The following TMEM132C variants were observed in gnomAD, a reference collection of about 807,000 sequenced individuals.
TMEM132C encodes transmembrane protein 132C, also known as protein phosphatase 1, regulatory subunit 152.
A neutral mutation model predicts 61.4 loss-of-function variants in TMEM132C; 29 were observed. That is an observed-to-expected ratio of 0.47 (90% CI 0.35 to 0.64). TMEM132C has a LOEUF of 0.64. Ranked by LOEUF, TMEM132C falls within the 30% of genes least tolerant of loss-of-function variation. The pLI is 0.00. For synonymous variants in TMEM132C, 656 were observed against 633.1 expected, an observed-to-expected ratio of 1.04 and a Z score of -0.54; for missense variants, 1,408 against 1,476.9, an observed-to-expected ratio of 0.95 and a Z score of 0.76.
rs1051196109 is a variant in TMEM132C at position 128,580,253 on chromosome 12, A to G, written c.1122-35899A>G. Among the ~76,000 whole-genome samples, 11 of 148,572 alleles carry G rather than the reference A, an allele frequency of 7.4e-5. No homozygotes were observed. In the East Asian group the frequency reaches 2.2e-3, roughly 29 times the overall value. ...AACACGGTGAAACCCCATCTCTACT[A>G]AAAAAAAAATACAAAAAATTAGCCG... On this transcript the variant is annotated intron_variant, in intron 3 of 8. Transcript: ENST00000435159.
intron 2 of TMEM132C, among the ~76,000 whole-genome samples, chr12:128,484,002 T>C (rs1227624669): frequency 6.6e-6 from 1 of 150,452 alleles, no homozygotes; most frequent in Non-Finnish European, 1.5e-5. Flanking sequence ...ACTACAGATA[T>C]GTTCCTCCAG....
chr12:128,554,977 A>G (rs1640090738), intron 3 of TMEM132C, among the ~76,000 whole-genome samples: 1 of 152,130 alleles, frequency 6.6e-6, no homozygotes, highest in African/African-American at 2.4e-5. Flanking sequence ...ACACACTTCC[A>G]TAGAACAGTG....
intron 4 of TMEM132C, among the ~76,000 whole-genome samples, chr12:128,643,985 G>A (rs190827454): frequency 7.3e-4 from 111 of 152,264 alleles, no homozygotes; most frequent in African/African-American, 2.2e-3. Flanking sequence ...ATCTGAAATG[G>A]TAGATAAATT....
chr12:128,618,765 G>C lies in TMEM132C; in HGVS notation c.1305+2430G>C, dbSNP rs145844292. The stretch of plus-strand genomic sequence containing the variant: ...CTGCCATGATTGTGAGACCTCCCCA[G>C]CCACACGGAATGGTGAGTCCATTAT... On this transcript the variant is annotated intron_variant, in intron 4 of 8. Coordinates refer to ENST00000435159, the MANE Select transcript of TMEM132C (RefSeq NM_001136103.3). 1.0e-3 allele frequency among the ~76,000 whole-genome samples: 154 copies of C among 152,288 alleles called. 1 individual carries two copies. The highest frequency in any genetic ancestry group is 3.4e-3 in the Middle Eastern group (1 of 294).
At chr12:128,680,248 C>T (rs1954623997) in intron 5 of TMEM132C, among the ~76,000 whole-genome samples, 1 of 152,170 alleles carries the variant, frequency 6.6e-6, no homozygotes, top group Non-Finnish European at 1.5e-5. Context: ...TACTCTAAGT[C>T]TTATTTTACA....
chr12:128,531,159 G>A (rs1337872303), intron 2 of TMEM132C, among the ~76,000 whole-genome samples: 1 of 152,160 alleles, frequency 6.6e-6, no homozygotes, highest in Non-Finnish European at 1.5e-5. Flanking sequence ...CCCTTGCTGG[G>A]GACCAGAACA....
At chr12:128,686,173 T>C (rs1954675336) in intron 5 of TMEM132C, among the ~76,000 whole-genome samples, 1 of 152,152 alleles carries the variant, frequency 6.6e-6, no homozygotes, top group Non-Finnish European at 1.5e-5. Context: ...AGGTGGGTAG[T>C]GTTGGCGGCA....
At chr12:128,345,686 A>G (rs1419687044) in intron 1 of TMEM132C, among the ~76,000 whole-genome samples, 1 of 152,100 alleles carries the variant, frequency 6.6e-6, no homozygotes, top group Non-Finnish European at 1.5e-5. Flanking sequence ...TTCTTTTCAT[A>G]TGATTGTTGG....
Position 128,699,328 on chromosome 12 carries a change from A to G in TMEM132C, c.2121+1913A>G, listed in dbSNP as rs138726878. Among the ~76,000 whole-genome samples, 651 of 152,324 alleles carry G rather than the reference A, an allele frequency of 4.3e-3. 6 individuals are homozygous for G. The highest frequency in any genetic ancestry group is 0.015 in the African/African-American group (620 of 41,568). On this transcript the variant is annotated intron_variant, in intron 8 of 8. Transcript: ENST00000435159. ...CAGCTGGGTTCATGCCCAGAGTATC[A>G]GAAGGCTGAAATCACAGTGTTGGTT...
In TMEM132C at chr12:128,397,978, C is replaced by T. The variant is rs768798671; in HGVS notation, c.86-16754C>T. 5.3e-5 allele frequency among the ~76,000 whole-genome samples: 8 copies of T among 152,172 alleles called. No individual in the cohort carries two copies. The South Asian group carries it at 1.4e-3, about 28-fold the overall frequency. Reference sequence around the variant, plus strand: ...TTAGTTAATGTTGATGGAGGGAAGACCATTCCTTATCCTATCCCTCTGTTG... The same window carrying T: ...TTAGTTAATGTTGATGGAGGGAAGATCATTCCTTATCCTATCCCTCTGTTG... On this transcript the variant is annotated intron_variant, in intron 1 of 8. Transcript: ENST00000435159.
At chr12:128,332,233 T>G (rs1872682929) in intron 1 of TMEM132C, among the ~76,000 whole-genome samples, 1 of 152,216 alleles carries the variant, frequency 6.6e-6, no homozygotes, top group South Asian at 2.1e-4. Flanking sequence ...TTAAGACATC[T>G]AAGCATTTCT....
intron 5 of TMEM132C, among the ~76,000 whole-genome samples, chr12:128,674,832 C>A (rs998990246): frequency 6.6e-6 from 1 of 151,898 alleles, no homozygotes; most frequent in Admixed American, 6.6e-5. Flanking sequence ...CCTCCCGCCC[C>A]CAAAATTCCC....
At chr12:128,476,937 G>C (rs1314001000) in intron 2 of TMEM132C, among the ~76,000 whole-genome samples, 1 of 152,190 alleles carries the variant, frequency 6.6e-6, no homozygotes. Context: ...AACCAAATCT[G>C]TACATAAAAT....
intron 1 of TMEM132C, among the ~76,000 whole-genome samples, chr12:128,379,523 G>T (rs953070022): frequency 1.3e-5 from 2 of 152,310 alleles, no homozygotes; most frequent in East Asian, 1.9e-4. Flanking sequence ...CTCCAGAGGC[G>T]CTAGGGAAGG....
At chr12:128,532,179 T>TA (rs1873336580) in intron 2 of TMEM132C, among the ~76,000 whole-genome samples, 1 of 152,232 alleles carries the variant, frequency 6.6e-6, no homozygotes, top group East Asian at 1.9e-4. Flanking sequence ...ACGCAGTTTT[T>TA]ATTTGTATTT....
At chr12:128,407,208 G>T (rs991268294) in intron 1 of TMEM132C, among the ~76,000 whole-genome samples, 2 of 152,162 alleles carry the variant, frequency 1.3e-5, no homozygotes, top group African/African-American at 4.8e-5. Context: ...AGATCTAATG[G>T]TTTTATAAAG....
At chr12:128,424,069 A>AAAAAAAAAAAAAAAAAAAAAAAAAAAAG (rs1267892355) in intron 2 of TMEM132C, among the ~76,000 whole-genome samples, 1 of 149,160 alleles carries the variant, frequency 6.7e-6, no homozygotes, top group African/African-American at 2.5e-5. Flanking sequence ...AAAAAAAAAA[A>AAAAAAAAAAAAAAAAAAAAAAAAAAAAG]ACTTTGGGAG....
At chr12:128,408,184 A>G (rs1868382291) in intron 1 of TMEM132C, among the ~76,000 whole-genome samples, 1 of 152,178 alleles carries the variant, frequency 6.6e-6, no homozygotes, top group South Asian at 2.1e-4. Flanking sequence ...CAAAGAATGG[A>G]AGAACCCTAA....
chr12:128,535,526 A>C (rs1380710829), intron 2 of TMEM132C, among the ~76,000 whole-genome samples: 1 of 152,234 alleles, frequency 6.6e-6, no homozygotes, highest in Non-Finnish European at 1.5e-5. Context: ...TGCAAATCAA[A>C]ACCACAATGA....
Sources: allele counts gnomAD v4.1 joint callset (sites outside exome capture counted in the v4.1 genomes callset), GRCh38; gene constraint gnomAD v4.1.1; transcripts MANE v1.5; gene names NCBI Gene and HGNC (gene_info 2026-07-23, HGNC 2026-07-21).